CACNA1C: variants seen among roughly 807,000 people sequenced by gnomAD.
The protein encoded by CACNA1C is calcium voltage-gated channel subunit alpha1 C.
A neutral mutation model predicts 229.0 loss-of-function variants in CACNA1C; 30 were observed. That is an observed-to-expected ratio of 0.13 (90% CI 0.10 to 0.18). The LOEUF is 0.18. CACNA1C is among the 10% of genes least tolerant of loss of function. CACNA1C has a pLI of 1.00. For missense variants in CACNA1C, 1,658 were observed against 2,845.0 expected (o/e 0.58, Z 9.49); for synonymous variants, 1,114 against 1,132.5 (o/e 0.98, Z 0.33).
chr12:2,428,354 T>A (rs2099052511), intron 3 of CACNA1C, among the ~76,000 whole-genome samples: 1 of 152,168 alleles, frequency 6.6e-6, no homozygotes. Context: ...GCCCTCTCTT[T>A]GGTGGGAAGT....
intron 5 of CACNA1C, among the ~76,000 whole-genome samples, chr12:2,459,169 G>GTT (rs59909090): frequency 1.6e-3 from 174 of 109,376 alleles, no homozygotes; most frequent in Non-Finnish European, 2.3e-3. Flanking sequence ...TTTTGTGTGT[G>GTT]TTTTTTTTTT....
intron 1 of CACNA1C, chr12:1,991,255 T>C (rs1389516785): frequency 2.2e-6 from 1 of 455,802 alleles, no homozygotes; most frequent in Non-Finnish European, 4.4e-6. Context: ...ATCTGCAAAA[T>C]GGCAATGAAA....
intron 3 of CACNA1C, among the ~76,000 whole-genome samples, chr12:2,289,757 C>T (rs1257620942): frequency 2.0e-5 from 3 of 152,100 alleles, no homozygotes; most frequent in South Asian, 4.1e-4. Flanking sequence ...ACCGGGGACA[C>T]CTAGTTCTTA....
chr12:2,007,263 G>T (rs1401263578), intron 1 of CACNA1C, among the ~76,000 whole-genome samples: 1 of 152,182 alleles, frequency 6.6e-6, no homozygotes, highest in Non-Finnish European at 1.5e-5. Flanking sequence ...TCCTTACACA[G>T]ATCATTGTCC....
At position 2,287,341 on chromosome 12, in the gene CACNA1C, G is replaced by T. The variant is rs776610143; in HGVS notation, c.478-161635G>T. Among the ~76,000 whole-genome samples, 2 of 152,190 alleles carry T rather than the reference G, an allele frequency of 1.3e-5. No homozygotes were observed. Among genetic ancestry groups the T allele is most frequent in the African/African-American group, 2.4e-5 (1 of 41,444 alleles). On this transcript the variant is annotated intron_variant, in intron 3 of 46. Coordinates refer to ENST00000399655, the MANE Select transcript of CACNA1C (RefSeq NM_000719.7). This position sits in a 1 kb window ranked among gnomAD's most constrained non-coding sequence, Gnocchi z 4.6. ...CCTCATGGAGTGTCGCTGGATACGC[G>T]ATCAGTGTCCCTTGAGGCAGTGCTG... is the stretch of plus-strand genomic sequence containing the variant.
chr12:2,620,421 C>T (rs2082661871), intron 29 of CACNA1C, among the ~76,000 whole-genome samples: 1 of 152,190 alleles, frequency 6.6e-6, no homozygotes, highest in Non-Finnish European at 1.5e-5. Flanking sequence ...AGTGAGTCCT[C>T]AGTAAATGTT....
At chr12:2,600,053 G>A (rs2071122988) in intron 21 of CACNA1C, among the ~76,000 whole-genome samples, 1 of 152,182 alleles carries the variant, frequency 6.6e-6, no homozygotes, top group Admixed American at 6.5e-5. Flanking sequence ...CTCAGTAGTA[G>A]CCTCAGAAGA....
At chr12:2,119,356 C>A (rs958905847) in intron 2 of CACNA1C, among the ~76,000 whole-genome samples, 1 of 152,154 alleles carries the variant, frequency 6.6e-6, no homozygotes, top group South Asian at 2.1e-4. Context: ...GCAGTGGGAG[C>A]GGGGTAGGTG....
intron 1 of CACNA1C, among the ~76,000 whole-genome samples, chr12:2,030,900 A>T (rs2048106031): frequency 6.6e-6 from 1 of 152,236 alleles, no homozygotes; most frequent in Non-Finnish European, 1.5e-5. Context: ...ACAAGTTGGG[A>T]ACATTACCCA....
At chr12:2,095,560 C>A (rs955544781) in intron 1 of CACNA1C, among the ~76,000 whole-genome samples, 1 of 152,244 alleles carries the variant, frequency 6.6e-6, no homozygotes, top group Admixed American at 6.5e-5. Context: ...AGAATCCGGG[C>A]AGCACTGTAA....
intron 3 of CACNA1C, among the ~76,000 whole-genome samples, chr12:2,393,038 G>C (rs568026133): frequency 1.3e-5 from 2 of 152,220 alleles, no homozygotes; most frequent in Admixed American, 1.3e-4. Flanking sequence ...TCAAGCCCCT[G>C]TACAAACACA....
intron 10 of CACNA1C, among the ~76,000 whole-genome samples, chr12:2,551,451 G>A (rs1431609932): frequency 2.6e-5 from 4 of 152,150 alleles, no homozygotes; most frequent in East Asian, 1.9e-4. Flanking sequence ...AGCCACATTC[G>A]TACTCTGTGC....
At chr12:2,434,845 A>G (rs951951672) in intron 3 of CACNA1C, among the ~76,000 whole-genome samples, 1 of 152,044 alleles carries the variant, frequency 6.6e-6, no homozygotes, top group African/African-American at 2.4e-5. Context: ...GACTGTCATT[A>G]CCTCCTTCCT....
intron 39 of CACNA1C, 103 bp downstream of exon 39, chr12:2,674,745 C>A: frequency 8.9e-7 from 1 of 1,125,082 alleles, no homozygotes; most frequent in Non-Finnish European, 1.3e-6. Flanking sequence ...GGAAGCATCC[C>A]CTGAGACTTG....
upstream of CACNA1C, chr12:2,052,910 C>CGGCGCGGGCAGGGGCGGGCGCG (rs2052687235): frequency 1.1e-6 from 1 of 881,954 alleles, no homozygotes; most frequent in Non-Finnish European, 1.4e-6. Flanking sequence ...GGCGGGCGGG[C>CGGCGCGGGCAGGGGCGGGCGCG]GGCGCGGGCA....
rs1203172401 is a variant in CACNA1C, at chr12:2,020,471, A to C, written c.139+49270A>C. 7 of 152,222 alleles carry C rather than the reference A, an allele frequency of 4.6e-5. No homozygotes were observed. The East Asian group carries it at 1.3e-3, about 29-fold the overall frequency. 9.4% of individuals were successfully genotyped at this position (152,222 alleles called of 1,614,324 possible). A position where few individuals can be genotyped will look rare whatever the true frequency, so the allele number is the denominator to read the frequency against. On this transcript the variant is annotated intron_variant, in intron 1 of 46. Coordinates refer to the CACNA1C transcript ENST00000682462. The stretch of plus-strand genomic sequence containing the variant: ...GTAATCAGCACAAATTTCCTGAAGT[A>C]AGGCTGCATGCATATAACAAGAATA...
intron 2 of CACNA1C, among the ~76,000 whole-genome samples, chr12:2,117,067 G>A (rs1301882347): frequency 3.9e-5 from 6 of 152,148 alleles, no homozygotes; most frequent in African/African-American, 2.4e-5. Context: ...TCAGGAGTTC[G>A]AGACCAGCCT....
chr12:2,188,293 T>C (rs1164654767), intron 3 of CACNA1C, among the ~76,000 whole-genome samples: 1 of 152,248 alleles, frequency 6.6e-6, no homozygotes, highest in Non-Finnish European at 1.5e-5. Flanking sequence ...GTATTTTTTA[T>C]AATGTTGAGT....
rs943562191 is a variant in CACNA1C at position 2,274,196 on chromosome 12, A to G, written c.477+153766A>G. Among the ~76,000 whole-genome samples the G allele has an allele frequency of 1.1e-4, 17 of 152,308 alleles. No homozygotes were observed. The South Asian group carries it at 3.5e-3, about 32-fold the overall frequency. The stretch of plus-strand genomic sequence containing the variant: ...GGCCCCATTTCTAAGCTGGACGTCC[A>G]GCAGTTCCCTCAGAAAGTGCTGTGG... On this transcript the variant is annotated intron_variant, in intron 3 of 46. Transcript: ENST00000399655.
Sources: allele counts gnomAD v4.1 joint callset (sites outside exome capture counted in the v4.1 genomes callset), GRCh38; gene constraint gnomAD v4.1.1; non-coding constraint Gnocchi (gnomAD v3.1); transcripts MANE v1.5; gene names NCBI Gene and HGNC (gene_info 2026-07-23, HGNC 2026-07-21).